Variants in SOX6 observed in about 807,000 individuals in gnomAD.
SOX6 encodes the protein transcription factor SOX-6.
A neutral mutation model predicts 97.8 loss-of-function variants in SOX6; 11 were observed. The observed-to-expected ratio is 0.11, with a 90% CI of 0.07 to 0.19. SOX6 has a LOEUF of 0.19. SOX6 is among the 10% of genes least tolerant of loss of function. The pLI, the probability that SOX6 is intolerant of heterozygous loss-of-function variation, is 1.00. For synonymous variants in SOX6, 360 were observed against 371.4 expected, an observed-to-expected ratio of 0.97 and a Z score of 0.35; for missense variants, 810 against 1,039.5, an observed-to-expected ratio of 0.78 and a Z score of 3.04.
At chr11:16,397,432 T>TTAA (rs1227907685) in intron 1 of SOX6, 2 of 152,078 alleles carry the variant, frequency 1.3e-5, no homozygotes, top group Admixed American at 1.3e-4. Context: ...ACAGAAAAGA[T>TTAA]TAATTCCAAG....
chr11:16,360,939 C>A (rs1030888769), upstream of SOX6, among the ~76,000 whole-genome samples: 1 of 151,334 alleles, frequency 6.6e-6, no homozygotes, highest in African/African-American at 2.4e-5. Flanking sequence ...GGAGGCAGAG[C>A]TTGAAGTGAG....
chr11:16,485,753 G>C (rs1860417139), intron 4 of SOX6, among the ~76,000 whole-genome samples: 2 of 150,046 alleles, frequency 1.3e-5, no homozygotes, highest in African/African-American at 4.9e-5. Flanking sequence ...AATTAGCCAG[G>C]CATGGTGGCA....
chr11:16,489,469 T>G (rs1860479105), intron 4 of SOX6, among the ~76,000 whole-genome samples: 1 of 152,134 alleles, frequency 6.6e-6, no homozygotes, highest in Admixed American at 6.6e-5. Context: ...GACAACAGCA[T>G]GAGGAAACAT....
intron 4 of SOX6, among the ~76,000 whole-genome samples, chr11:16,565,120 A>C (rs1163209122): frequency 1.3e-5 from 2 of 152,158 alleles, no homozygotes; most frequent in East Asian, 3.9e-4. Flanking sequence ...GAAATAGGGG[A>C]TATCATTACA....
intron 4 of SOX6, among the ~76,000 whole-genome samples, chr11:16,544,035 G>C (rs772739371): frequency 1.3e-5 from 2 of 151,892 alleles, no homozygotes; most frequent in Non-Finnish European, 2.9e-5. Flanking sequence ...AATAGTATTC[G>C]CCAATAAAAA....
rs568023492 is a variant in SOX6, at chr11:16,269,424, C to A, written c.446-34753G>T. Reference sequence around the variant, plus strand: ...TTGCATGTTTGTTTATCCATATGAACTTTAGTATCAACTTGACTAGCCTCA... The same window carrying A: ...TTGCATGTTTGTTTATCCATATGAAATTTAGTATCAACTTGACTAGCCTCA... On this transcript the variant is annotated intron_variant, in intron 3 of 15. Coordinates refer to ENST00000683767, the MANE Select transcript of SOX6 (RefSeq NM_001367873.1). Among the ~76,000 whole-genome samples the A allele has an allele frequency of 1.5e-4, 22 of 150,890 alleles. No individual in the cohort carries two copies. In the South Asian group the frequency reaches 4.6e-3, roughly 31 times the overall value.
At chr11:16,001,326 A>C (rs1328146698) in intron 13 of SOX6, among the ~76,000 whole-genome samples, 1 of 152,194 alleles carries the variant, frequency 6.6e-6, no homozygotes, top group Non-Finnish European at 1.5e-5. Flanking sequence ...CACTGATTAC[A>C]TTATCTTCAT....
chr11:16,241,706 T>C (rs1853199863), intron 3 of SOX6, among the ~76,000 whole-genome samples: 1 of 151,968 alleles, frequency 6.6e-6, no homozygotes, highest in Non-Finnish European at 1.5e-5. Context: ...TCAGAATTAC[T>C]TGCTGGAACT....
chr11:16,222,880 C>A (rs529451501), intron 4 of SOX6, among the ~76,000 whole-genome samples: 2 of 152,026 alleles, frequency 1.3e-5, no homozygotes, highest in Non-Finnish European at 2.9e-5. Context: ...GAAAACTAAT[C>A]CCTTTCACCT....
intron 3 of SOX6, among the ~76,000 whole-genome samples, chr11:16,678,814 C>T (rs548140074): frequency 2.6e-5 from 4 of 152,354 alleles, no homozygotes; most frequent in African/African-American, 7.2e-5. Flanking sequence ...ATGCCTGGCT[C>T]GGTGGGTCCC....
At chr11:16,259,370 T>C (rs1853801952) in intron 3 of SOX6, among the ~76,000 whole-genome samples, 1 of 152,048 alleles carries the variant, frequency 6.6e-6, no homozygotes. Flanking sequence ...TAAATTGATA[T>C]ATAAACACAT....
At chr11:16,685,962 C>T (rs564881060) in intron 3 of SOX6, among the ~76,000 whole-genome samples, 2 of 152,274 alleles carry the variant, frequency 1.3e-5, no homozygotes, top group African/African-American at 4.8e-5. Flanking sequence ...AGCTCACATT[C>T]TCCAAGGTGG....
chr11:16,050,590 A>C (rs770490967), intron 10 of SOX6, among the ~76,000 whole-genome samples: 9 of 152,168 alleles, frequency 5.9e-5, no homozygotes, highest in South Asian at 4.1e-4. Context: ...TGCTATATGC[A>C]ATTTATTTTT....
At chr11:16,045,310 T>C (rs1023730144) in intron 12 of SOX6, among the ~76,000 whole-genome samples, 2 of 152,124 alleles carry the variant, frequency 1.3e-5, no homozygotes, top group African/African-American at 4.8e-5. Flanking sequence ...TAGGTTTAGA[T>C]GAGGTTATGA....
chr11:16,046,822 A>G lies in SOX6; in HGVS notation c.1436-121T>C, dbSNP rs1185180017. ...AACAAGGAAGGGGTGCACATTTGCT[A>G]TTTTTTAAACTATACGCTAATATAC... On this transcript the variant is annotated intron_variant, in intron 11 of 15. Transcript: ENST00000683767. The G allele has an allele frequency of 2.5e-4, 253 of 1,030,694 alleles. 1 individual carries two copies. The highest frequency in any genetic ancestry group is 3.6e-5 in the Non-Finnish European group (25 of 688,414). The allele number at this position is 1,030,694 out of a possible 1,614,324, so 63.8% of individuals were successfully genotyped here. A position where few individuals can be genotyped will look rare whatever the true frequency, so the allele number is the denominator to read the frequency against.
At chr11:16,121,461 C>A (rs569580469) in intron 6 of SOX6, among the ~76,000 whole-genome samples, 2 of 152,066 alleles carry the variant, frequency 1.3e-5, no homozygotes, top group African/African-American at 4.8e-5. Context: ...CTGTGCTGGG[C>A]AGTAGAAATA....
At chr11:16,694,904 C>T (rs542062074) in intron 3 of SOX6, among the ~76,000 whole-genome samples, 2 of 152,234 alleles carry the variant, frequency 1.3e-5, no homozygotes, top group Non-Finnish European at 2.9e-5. Flanking sequence ...CCTAAACAAA[C>T]AGTATAACAA....
Position 16,473,587 on chromosome 11 carries a change from T to G in SOX6, c.-5+2728A>C, listed in dbSNP as rs554247376. 3.3e-5 allele frequency among the ~76,000 whole-genome samples: 5 copies of G among 150,536 alleles called. No homozygotes were observed. The East Asian group carries it at 9.9e-4, about 30-fold the overall frequency. ...TTTTTTTTGAGATGGAATCTTGCTC[T>G]GTCGCCCAGGTTGGAGTGCAGTGGC... On this transcript the variant is annotated intron_variant, in intron 1 of 15. Transcript: ENST00000396356.
In SOX6 at chr11:16,613,113, G is replaced by T. The variant is rs1848419404; in HGVS notation, n.430-853C>A. ...GCTCAAGCCTTGTCCAAGTTAGTCAGAAGGCGGTGTTAGGCAGGAAAGCGC... is the reference window on the plus strand; with the variant it reads ...GCTCAAGCCTTGTCCAAGTTAGTCATAAGGCGGTGTTAGGCAGGAAAGCGC... On this transcript the variant is annotated intron_variant and non_coding_transcript_variant, in intron 3 of 5. Transcript: ENST00000524520. The surrounding 1 kb of genome is among the most constrained non-coding windows in gnomAD (Gnocchi z 4.6). The T allele has an allele frequency of 6.6e-6, 1 of 152,338 alleles. No individual in the cohort carries two copies. The highest frequency in any genetic ancestry group is 1.5e-5 in the Non-Finnish European group (1 of 68,150). The allele number at this position is 152,338 out of a possible 1,614,324, so 9.4% of individuals were successfully genotyped here. A position where few individuals can be genotyped will look rare whatever the true frequency, so the allele number is the denominator to read the frequency against.
Sources: gnomAD v4.1 joint callset for allele counts (sites outside exome capture counted in the v4.1 genomes callset) on GRCh38, gnomAD v4.1.1 for gene constraint, Gnocchi (gnomAD v3.1) non-coding constraint, MANE v1.5 for transcripts, NCBI Gene and HGNC (gene_info 2026-07-23, HGNC 2026-07-21) for gene names.